RASSF2: variants seen among roughly 807,000 people sequenced by gnomAD.
RASSF2 encodes ras association domain-containing protein 2.
Under a neutral mutation model 46.3 loss-of-function variants are expected in RASSF2, and 34 were observed. The observed-to-expected ratio is 0.73, with a 90% confidence interval of 0.56 to 0.98. The LOEUF (loss-of-function observed/expected upper bound fraction) is 0.98, where lower values mean the gene tolerates loss of function less well. Ranked by LOEUF, RASSF2 falls within the 50% of genes least tolerant of loss-of-function variation. RASSF2 has a pLI of 0.00. For synonymous variants in RASSF2, 158 were observed against 162.5 expected, an observed-to-expected ratio of 0.97 and a Z score of 0.21; for missense variants, 364 against 431.2, an observed-to-expected ratio of 0.84 and a Z score of 1.38.
At chr20:4,796,063 G>A in intron 4 of RASSF2, 97 bp from the exon 5 acceptor site, 2 of 1,365,728 alleles carry the variant, frequency 1.5e-6, no homozygotes, top group Non-Finnish European at 1.9e-6. Context: ...ACATGTCCTG[G>A]CTGGGGGCCC....
intron 4 of RASSF2, among the ~76,000 whole-genome samples, chr20:4,796,813 C>T (rs559013228): frequency 6.6e-6 from 1 of 152,312 alleles, no homozygotes; most frequent in Admixed American, 6.5e-5. Context: ...TAAAATCTTG[C>T]ATGGCCCAGC....
chr20:4,806,467 C>T (rs1287111326), intron 2 of RASSF2, among the ~76,000 whole-genome samples: 4 of 151,960 alleles, frequency 2.6e-5, no homozygotes, highest in African/African-American at 7.3e-5. Flanking sequence ...TTTTTTGAGA[C>T]GGTGTCTGGT....
At chr20:4,817,936 G>A (rs1291283931) in intron 2 of RASSF2, among the ~76,000 whole-genome samples, 2 of 152,186 alleles carry the variant, frequency 1.3e-5, no homozygotes, top group African/African-American at 4.8e-5. Flanking sequence ...CTTGGAGATG[G>A]GGAAACTGAG....
In RASSF2 at chr20:4,804,353, C is replaced by CTTTTTTTTTT. The variant is rs10659167; in HGVS notation, c.-32-3301_-32-3292dup. 2.6e-4 allele frequency among the ~76,000 whole-genome samples: 31 copies of CTTTTTTTTTT among 118,706 alleles called. 1 individual carries two copies. Among genetic ancestry groups the CTTTTTTTTTT allele is most frequent in the South Asian group, 5.3e-4 (2 of 3,770 alleles). 77.9% of individuals were successfully genotyped at this position (118,706 alleles called of 152,430 possible). ...AAAGTCGAGCTAGTGAGAAAGCTTT[C>CTTTTTTTTTT]TTTTTTTTTTTTTTTTTTTTGTCAC... On this transcript the variant is annotated intron_variant, in intron 2 of 11. Coordinates refer to ENST00000379400, the MANE Select transcript of RASSF2 (RefSeq NM_014737.3).
At chr20:4,822,840 G>A (rs1249644921) in intron 1 of RASSF2, among the ~76,000 whole-genome samples, 1 of 152,098 alleles carries the variant, frequency 6.6e-6, no homozygotes, top group African/African-American at 2.4e-5. Flanking sequence ...CTAGAAGACG[G>A]CGGCGGACTG....
chr20:4,813,678 C>T lies in RASSF2; in HGVS notation c.-33+8651G>A, dbSNP rs183430055. ...AGAGAGGCAGGGCGCTGGAGCGGGA[C>T]GAAAAAGGAAGCATAAAGGAAGCAC... On this transcript the variant is annotated intron_variant, in intron 2 of 11. Transcript: ENST00000379400. Among the ~76,000 whole-genome samples, 436 of 152,106 alleles carry T rather than the reference C, an allele frequency of 2.9e-3. 3 individuals are homozygous for T. Among genetic ancestry groups the T allele is most frequent in the African/African-American group, 7.2e-3 (298 of 41,496 alleles).
At chr20:4,804,478 C>T (rs1375292123) in intron 2 of RASSF2, among the ~76,000 whole-genome samples, 2 of 149,584 alleles carry the variant, frequency 1.3e-5, no homozygotes, top group African/African-American at 2.5e-5. Flanking sequence ...GCTGGGATTA[C>T]AGGTATGTGC....
At chr20:4,816,675 G>A (rs1444565827) in intron 2 of RASSF2, among the ~76,000 whole-genome samples, 1 of 152,140 alleles carries the variant, frequency 6.6e-6, no homozygotes, top group Non-Finnish European at 1.5e-5. Flanking sequence ...TATGAAAAAA[G>A]ATGAAGATCG....
At chr20:4,797,051 A>G (rs968509440) in intron 4 of RASSF2, among the ~76,000 whole-genome samples, 2 of 152,140 alleles carry the variant, frequency 1.3e-5, no homozygotes, top group African/African-American at 4.8e-5. Flanking sequence ...GGAAGGAATA[A>G]AAGAGGGAAG....
intron 2 of RASSF2, among the ~76,000 whole-genome samples, chr20:4,808,395 C>T (rs1423439752): frequency 6.6e-6 from 1 of 151,254 alleles, no homozygotes; most frequent in African/African-American, 2.4e-5. Context: ...CATCTAGGCA[C>T]AGAACTAAAA....
At chr20:4,805,746 G>A (rs750587063) in intron 2 of RASSF2, among the ~76,000 whole-genome samples, 1 of 152,168 alleles carries the variant, frequency 6.6e-6, no homozygotes, top group African/African-American at 2.4e-5. Flanking sequence ...ACTCTAGAGA[G>A]TTCGAAGAAG....
chr20:4,795,599 C>G lies in RASSF2; in HGVS notation c.287+216G>C. The G allele has an allele frequency of 2.0e-6, 1 of 496,248 alleles. No individual in the cohort carries two copies. The highest frequency in any genetic ancestry group is 3.5e-6 in the Non-Finnish European group (1 of 284,650). 30.7% of individuals were successfully genotyped at this position (496,248 alleles called of 1,614,324 possible). On this transcript the variant is annotated intron_variant, in intron 5 of 11. Coordinates refer to ENST00000379400, the MANE Select transcript of RASSF2 (RefSeq NM_014737.3). This position sits in a 1 kb window ranked among gnomAD's most constrained non-coding sequence, Gnocchi z 4.0. ...TGACTCAGCAGCTCCCCTCCTGTGA[C>G]CTCATCAGTGATTGCAGTGACAGGA...
At chr20:4,811,524 A>G (rs985411587) in intron 2 of RASSF2, among the ~76,000 whole-genome samples, 1 of 152,134 alleles carries the variant, frequency 6.6e-6, no homozygotes, top group African/African-American at 2.4e-5. Flanking sequence ...AGCTGTGTAG[A>G]TTGAGGACAC....
Position 4,795,889 on chromosome 20 carries a change from C to T in RASSF2, c.213G>A (p.Gln71=), listed in dbSNP as rs1249266732. 1.2e-6 allele frequency: 2 copies of T among 1,609,200 alleles called. No individual in the cohort carries two copies. The highest frequency in any genetic ancestry group is 2.3e-5 in the East Asian group (1 of 44,256). ...GGGGTCGAATGCGTTCGTTGTCATC[C>T]TGCATCTGCAGGCGAATGGGCCGGC... is the stretch of plus-strand genomic sequence containing the variant. ...GLRRPIRLQM[Q]DDNERIRPPP... is the part of the protein sequence containing the mutation. Residue 71 remains glutamine, a synonymous_variant, in exon 5 of 12, where the codon CAG becomes CAA. Coordinates refer to ENST00000379400, the MANE Select transcript of RASSF2 (RefSeq NM_014737.3). The surrounding 1 kb of genome is among the most constrained non-coding windows in gnomAD (Gnocchi z 4.0).
chr20:4,805,879 G>T (rs928335546), intron 2 of RASSF2, among the ~76,000 whole-genome samples: 2 of 152,210 alleles, frequency 1.3e-5, no homozygotes, highest in Non-Finnish European at 1.5e-5. Flanking sequence ...CGCAACGTAG[G>T]CAGAGGTGCC....
Position 4,786,236 on chromosome 20 carries a change from C to T in RASSF2, c.906G>A (p.Met302Ile). The change falls in exon 11 of 12, where the codon ATG becomes ATA. Residue 302 changes from methionine (M) to isoleucine (I), a missense_variant. Met to Ile is a conservative substitution (Grantham distance 10, BLOSUM62 1). Coordinates refer to ENST00000379400, the MANE Select transcript of RASSF2 (RefSeq NM_014737.3). ...EEEDREVKKL[M>I]RKYTVLRLMI... is the part of the protein sequence containing the mutation. Reference sequence around the variant, plus strand: ...GCCCCAGAAGCCACACTTACTTGCGCATCAGCTTCTTTACTTCCCGATCTT... The same window carrying T: ...GCCCCAGAAGCCACACTTACTTGCGTATCAGCTTCTTTACTTCCCGATCTT... The T allele has an allele frequency of 6.2e-7, 1 of 1,608,352 alleles. No individual in the cohort carries two copies. The highest frequency in any genetic ancestry group is 8.5e-7 in the Non-Finnish European group (1 of 1,174,718).
In RASSF2 at chr20:4,812,773, C is replaced by G. The variant is rs1031789940; in HGVS notation, c.-33+9556G>C. Among the ~76,000 whole-genome samples the G allele has an allele frequency of 6.6e-6, 1 of 152,204 alleles. No individual in the cohort carries two copies. Among genetic ancestry groups the G allele is most frequent in the Non-Finnish European group, 1.5e-5 (1 of 68,018 alleles). On this transcript the variant is annotated intron_variant, in intron 2 of 11. Coordinates refer to ENST00000379400, the MANE Select transcript of RASSF2 (RefSeq NM_014737.3). This position sits in a 1 kb window ranked among gnomAD's most constrained non-coding sequence, Gnocchi z 4.0. ...CTTTACAAATGAGGAAACAGAAGGT[C>G]TCAGAGGTTAGGTGGCTTGTCCCAG...
chr20:4,809,744 A>T (rs1263590146), intron 2 of RASSF2, among the ~76,000 whole-genome samples: 2 of 152,146 alleles, frequency 1.3e-5, no homozygotes, highest in Non-Finnish European at 2.9e-5. Flanking sequence ...AGAAACCTGT[A>T]AGGGAGTGGG....
chr20:4,821,096 G>C (rs559362572), intron 2 of RASSF2, among the ~76,000 whole-genome samples: 2 of 152,100 alleles, frequency 1.3e-5, no homozygotes, highest in South Asian at 2.1e-4. Context: ...ACGCAGACAC[G>C]AAGCCTGGCT....
Sources: allele counts gnomAD v4.1 joint callset (sites outside exome capture counted in the v4.1 genomes callset), GRCh38; gene constraint gnomAD v4.1.1; non-coding constraint Gnocchi (gnomAD v3.1); transcripts MANE v1.5; gene names NCBI Gene and HGNC (gene_info 2026-07-23, HGNC 2026-07-21).